The following PHACTR3 variants were observed in gnomAD, a reference collection of about 807,000 sequenced individuals.
PHACTR3 encodes protein phosphatase 1, regulatory subunit 123.
In PHACTR3, 16 loss-of-function variants were observed where a neutral mutation model predicts 66.8. That is an observed-to-expected ratio of 0.24 (90% CI 0.16 to 0.36). PHACTR3 has a LOEUF of 0.36. Ranked by LOEUF, PHACTR3 falls within the 10% of genes least tolerant of loss-of-function variation. PHACTR3 has a pLI of 1.00. For synonymous variants in PHACTR3, 323 were observed against 292.1 expected (o/e 1.11, Z -1.08); for missense variants, 647 against 719.9 (o/e 0.90, Z 1.16).
chr20:59,773,137 G>A (rs373607240), intron 5 of PHACTR3, 142 bp from the exon 6 acceptor site: 54 of 901,822 alleles, frequency 6.0e-5, no homozygotes, highest in Non-Finnish European at 7.7e-5. Context: ...CAGGGATCCC[G>A]GTCCAGCATC....
chr20:59,792,463 C>T (rs1057025594), intron 7 of PHACTR3, among the ~76,000 whole-genome samples: 4 of 152,192 alleles, frequency 2.6e-5, no homozygotes, highest in African/African-American at 9.6e-5. Flanking sequence ...TTCAGTTCCT[C>T]CACATCCTCT....
At chr20:59,716,506 G>A (rs1297672636) in intron 1 of PHACTR3, among the ~76,000 whole-genome samples, 1 of 151,732 alleles carries the variant, frequency 6.6e-6, no homozygotes, top group Non-Finnish European at 1.5e-5. Context: ...ACACACCTCA[G>A]CCACCCAGAT....
intron 1 of PHACTR3, among the ~76,000 whole-genome samples, chr20:59,710,305 T>C (rs945135871): frequency 6.6e-6 from 1 of 152,196 alleles, no homozygotes; most frequent in Admixed American, 6.5e-5. Flanking sequence ...ACCAGGAGTC[T>C]ACCAGGCTCT....
chr20:59,592,801 C>T (rs2033220861), intron 1 of PHACTR3, among the ~76,000 whole-genome samples: 1 of 150,864 alleles, frequency 6.6e-6, no homozygotes, highest in African/African-American at 2.4e-5. Flanking sequence ...ATTTACATTT[C>T]CTCCATATAA....
intron 1 of PHACTR3, among the ~76,000 whole-genome samples, chr20:59,596,030 C>G (rs2033318440): frequency 6.6e-6 from 1 of 152,228 alleles, no homozygotes; most frequent in South Asian, 2.1e-4. Context: ...AGAATATAAC[C>G]TGGATCCCAA....
At chr20:59,772,873 A>T (rs2040403686) in intron 5 of PHACTR3, among the ~76,000 whole-genome samples, 1 of 152,126 alleles carries the variant, frequency 6.6e-6, no homozygotes, top group Non-Finnish European at 1.5e-5. Context: ...TGCTGTGGGG[A>T]GGGCAGAGCG....
intron 7 of PHACTR3, among the ~76,000 whole-genome samples, chr20:59,801,246 T>C (rs114514514): frequency 6.6e-6 from 1 of 152,180 alleles, no homozygotes; most frequent in African/African-American, 2.4e-5. Flanking sequence ...GATTGTGGCC[T>C]GGCAACTCTC....
At chr20:59,827,900 A>G (rs1254000687) in intron 8 of PHACTR3, among the ~76,000 whole-genome samples, 1 of 152,056 alleles carries the variant, frequency 6.6e-6, no homozygotes, top group African/African-American at 2.4e-5. Context: ...AGGACACAGG[A>G]GGCAGGCCAG....
At chr20:59,716,057 C>A (rs993100749) in intron 1 of PHACTR3, among the ~76,000 whole-genome samples, 7 of 152,032 alleles carry the variant, frequency 4.6e-5, no homozygotes, top group Non-Finnish European at 8.8e-5. Context: ...AGCTCTGGGT[C>A]CCTGTGTGCT....
At chr20:59,725,024 G>A (rs1035068213) in intron 1 of PHACTR3, among the ~76,000 whole-genome samples, 1 of 151,622 alleles carries the variant, frequency 6.6e-6, no homozygotes, top group Non-Finnish European at 1.5e-5. Context: ...AGAGGAGGGT[G>A]GATGTGAGCC....
intron 1 of PHACTR3, among the ~76,000 whole-genome samples, chr20:59,710,719 C>T (rs761053822): frequency 6.6e-6 from 1 of 152,082 alleles, no homozygotes; most frequent in Non-Finnish European, 1.5e-5. Context: ...ATTCAAGCCT[C>T]TTCCAGGCCT....
chr20:59,839,682 T>G (rs1418820438), intron 9 of PHACTR3, among the ~76,000 whole-genome samples: 1 of 152,196 alleles, frequency 6.6e-6, no homozygotes, highest in Non-Finnish European at 1.5e-5. Context: ...CGAGCACAGC[T>G]TGAATGTTAA....
intron 1 of PHACTR3, among the ~76,000 whole-genome samples, chr20:59,614,192 C>T (rs1010364059): frequency 6.6e-6 from 1 of 152,236 alleles, no homozygotes. Context: ...GAAAGCGGTC[C>T]TCTGTCCTTT....
chr20:59,807,375 C>T (rs2041601303), intron 8 of PHACTR3, among the ~76,000 whole-genome samples: 1 of 152,236 alleles, frequency 6.6e-6, no homozygotes, highest in Non-Finnish European at 1.5e-5. Flanking sequence ...CATCTTCCTC[C>T]TCCACAGCTT....
At chr20:59,836,849 G>A (rs1327085902) in intron 9 of PHACTR3, among the ~76,000 whole-genome samples, 1 of 152,152 alleles carries the variant, frequency 6.6e-6, no homozygotes, top group Non-Finnish European at 1.5e-5. Flanking sequence ...AGGTCTTCCT[G>A]GCAGTTTGGG....
chr20:59,601,971 T>C (rs913406053), upstream of PHACTR3, among the ~76,000 whole-genome samples: 2 of 152,190 alleles, frequency 1.3e-5, no homozygotes, highest in African/African-American at 4.8e-5. Context: ...GGTGAATGGG[T>C]GCTGCTGTGT....
At chr20:59,602,454 A>AAG (rs368428946), upstream of PHACTR3, among the ~76,000 whole-genome samples, 17 of 151,520 alleles carry the variant, frequency 1.1e-4, no homozygotes, top group Admixed American at 3.9e-4. Context: ...AAAAAAAAAA[A>AAG]AGAGAGAGAG....
chr20:59,587,358 A>G (rs2033062168), intron 1 of PHACTR3, among the ~76,000 whole-genome samples: 1 of 152,258 alleles, frequency 6.6e-6, no homozygotes, highest in Non-Finnish European at 1.5e-5. Flanking sequence ...GGGTGTCCCC[A>G]GCTCTGCCCC....
At chr20:59,722,376 G>C (rs972666818) in intron 1 of PHACTR3, among the ~76,000 whole-genome samples, 2 of 152,194 alleles carry the variant, frequency 1.3e-5, no homozygotes, top group African/African-American at 4.8e-5. Context: ...TTGGGAGAAG[G>C]TATTCCTGGC....
Sources: allele counts gnomAD v4.1 joint callset (sites outside exome capture counted in the v4.1 genomes callset), GRCh38; gene constraint gnomAD v4.1.1; transcripts MANE v1.5; gene names NCBI Gene and HGNC (gene_info 2026-07-23, HGNC 2026-07-21).